CYP7B1: variants seen among roughly 807,000 people sequenced by gnomAD.
CYP7B1 encodes cytochrome P450 family 7 subfamily B member 1.
Under a neutral mutation model 42.7 loss-of-function variants are expected in CYP7B1, and 29 were observed. The observed-to-expected ratio is 0.68, with a 90% CI of 0.51 to 0.93. CYP7B1 has a LOEUF of 0.93. Ranked by LOEUF, CYP7B1 falls within the 40% of genes least tolerant of loss-of-function variation. The pLI, the probability that CYP7B1 is intolerant of heterozygous loss-of-function variation, is 0.00. For synonymous variants in CYP7B1, 235 were observed against 218.2 expected, an observed-to-expected ratio of 1.08 and a Z score of -0.68; for missense variants, 655 against 600.5, an observed-to-expected ratio of 1.09 and a Z score of -0.95.
chr8:64,654,053 C>T (rs878891987), intron 1 of CYP7B1, among the ~76,000 whole-genome samples: 1 of 152,208 alleles, frequency 6.6e-6, no homozygotes, highest in African/African-American at 2.4e-5. Flanking sequence ...GACCAACCTA[C>T]AGCCAACATC....
At position 64,596,500 on chromosome 8, in the gene CYP7B1, C is replaced by T. The variant is rs1212508119; in HGVS notation, c.*142G>A. 4 of 840,324 alleles carry T rather than the reference C, an allele frequency of 4.8e-6. No homozygotes were observed. In the East Asian group the frequency reaches 1.1e-4, roughly 23 times the overall value. 52.1% of individuals were successfully genotyped at this position (840,324 alleles called of 1,614,324 possible). A position where few individuals can be genotyped will look rare whatever the true frequency, so the allele number is the denominator to read the frequency against. On this transcript the variant is annotated 3_prime_UTR_variant, in exon 6 of 6. Transcript: ENST00000310193. ...GATGGGCTTTGTGACTAAGGACAAA[C>T]TGGACTGATATCAGATCAAATAGAA... is the stretch of plus-strand genomic sequence containing the variant.
chr8:64,658,578 G>T (rs1265664106), intron 1 of CYP7B1, among the ~76,000 whole-genome samples: 1 of 152,074 alleles, frequency 6.6e-6, no homozygotes, highest in Non-Finnish European at 1.5e-5. Context: ...TTTATCCTTT[G>T]CATTTTCAAT....
intron 1 of CYP7B1, among the ~76,000 whole-genome samples, chr8:64,759,093 C>T (rs1807849556): frequency 6.6e-6 from 1 of 152,192 alleles, no homozygotes; most frequent in Non-Finnish European, 1.5e-5. Context: ...TTAAGATGGG[C>T]TTCCTACTCT....
chr8:64,623,058 A>G (rs1805555115), intron 2 of CYP7B1, among the ~76,000 whole-genome samples: 1 of 152,160 alleles, frequency 6.6e-6, no homozygotes. Context: ...CACAGACAGG[A>G]CATGCAAAAG....
chr8:64,697,509 C>G (rs73689571), intron 1 of CYP7B1, among the ~76,000 whole-genome samples: 2 of 152,086 alleles, frequency 1.3e-5, no homozygotes, highest in African/African-American at 4.8e-5. Context: ...AGTCAGCATT[C>G]GTTTTGTGCT....
intron 1 of CYP7B1, among the ~76,000 whole-genome samples, chr8:64,625,100 AG>A (rs1406942985): frequency 2.0e-5 from 3 of 151,202 alleles, no homozygotes; most frequent in African/African-American, 7.3e-5. Flanking sequence ...CAGCCTCCCA[AG>A]TAGCTGGGAC....
At chr8:64,645,641 A>G (rs13252642) in intron 1 of CYP7B1, among the ~76,000 whole-genome samples, 2 of 152,090 alleles carry the variant, frequency 1.3e-5, no homozygotes, top group Admixed American at 1.3e-4. Flanking sequence ...TTTATAGATT[A>G]AATGCCATCC....
At chr8:64,748,461 T>A (rs1475004771) in intron 1 of CYP7B1, among the ~76,000 whole-genome samples, 1 of 152,178 alleles carries the variant, frequency 6.6e-6, no homozygotes, top group African/African-American at 2.4e-5. Context: ...GCTGCAGAAT[T>A]TGAATCTGCT....
At chr8:64,790,762 G>A (rs774185100) in intron 1 of CYP7B1, among the ~76,000 whole-genome samples, 4 of 152,128 alleles carry the variant, frequency 2.6e-5, no homozygotes, top group Non-Finnish European at 5.9e-5. Flanking sequence ...TTTTTCAAAT[G>A]ATGCTGTTAT....
chr8:64,755,162 T>G (rs1203720990), intron 1 of CYP7B1, among the ~76,000 whole-genome samples: 1 of 152,148 alleles, frequency 6.6e-6, no homozygotes, highest in Non-Finnish European at 1.5e-5. Flanking sequence ...GCCAGGTGTG[T>G]GCATATGTGT....
rs116171274 is a variant in CYP7B1, at chr8:64,596,707, G to A, written c.1456C>T (p.Arg486Cys). Reference sequence around the variant, plus strand: ...GGATACTGAATACCAAACAACAAGCGGCTGTAGTTTAGTCCTATGGGCTTA... The same window carrying A: ...GGATACTGAATACCAAACAACAAGCAGCTGTAGTTTAGTCCTATGGGCTTA... ...DDKPIGLNYSRLLFGIQYPDS... is the reference protein window; with the variant it reads ...DDKPIGLNYSCLLFGIQYPDS... The change falls in exon 6 of 6, where the codon CGC becomes TGC. Residue 486 changes from arginine (R) to cysteine (C), a missense_variant. Physicochemically the swap from Arg to Cys is radical, Grantham distance 180. Transcript: ENST00000310193. 1,254 of 1,613,374 alleles carry A rather than the reference G, an allele frequency of 7.8e-4. 4 individuals carry two copies. The highest frequency in any genetic ancestry group is 9.8e-4 in the Non-Finnish European group (1,158 of 1,179,734).
At chr8:64,691,482 T>TTG (rs1554532278) in intron 1 of CYP7B1, among the ~76,000 whole-genome samples, 4 of 53,486 alleles carry the variant, frequency 7.5e-5, no homozygotes, top group Non-Finnish European at 7.6e-5. Flanking sequence ...CGATGGCAAC[T>TTG]GGGGGGGGGG....
intron 1 of CYP7B1, among the ~76,000 whole-genome samples, chr8:64,702,378 G>C (rs1359364571): frequency 6.6e-6 from 1 of 152,068 alleles, no homozygotes; most frequent in Non-Finnish European, 1.5e-5. Flanking sequence ...CAACCTGAAA[G>C]GGTCTGTGCT....
chr8:64,793,640 T>C (rs1326162913), intron 1 of CYP7B1, among the ~76,000 whole-genome samples: 2 of 152,128 alleles, frequency 1.3e-5, no homozygotes, highest in Admixed American at 1.3e-4. Context: ...AAGTCTTCTA[T>C]GGGAAGGACT....
intron 1 of CYP7B1, among the ~76,000 whole-genome samples, chr8:64,634,253 G>A (rs1334563881): frequency 6.6e-6 from 1 of 152,082 alleles, no homozygotes; most frequent in East Asian, 1.9e-4. Context: ...CCTTTTAGGT[G>A]CATATTTTTA....
At chr8:64,629,200 T>G (rs912258595) in intron 1 of CYP7B1, among the ~76,000 whole-genome samples, 1 of 139,072 alleles carries the variant, frequency 7.2e-6, no homozygotes, top group Admixed American at 7.8e-5. Flanking sequence ...GCACTCCAGC[T>G]CGGGTGACAG....
chr8:64,781,206 CA>C (rs1252812230), intron 1 of CYP7B1, among the ~76,000 whole-genome samples: 4 of 152,130 alleles, frequency 2.6e-5, no homozygotes, highest in African/African-American at 9.7e-5. Flanking sequence ...AAGTAACCAG[CA>C]AAGTCCACCA....
chr8:64,685,201 G>A (rs9773824), intron 1 of CYP7B1, among the ~76,000 whole-genome samples: 32 of 151,126 alleles, frequency 2.1e-4, no homozygotes, highest in African/African-American at 7.5e-4. Flanking sequence ...AGGAGCGGAC[G>A]GGCCCCGCGG....
intron 1 of CYP7B1, chr8:64,728,954 T>G (rs1050209500): frequency 6.6e-6 from 1 of 151,508 alleles, no homozygotes; most frequent in Non-Finnish European, 1.5e-5. Flanking sequence ...AGTCCAGGAG[T>G]TCAAGAACAG....
Sources: gnomAD v4.1 joint callset for allele counts (sites outside exome capture counted in the v4.1 genomes callset) on GRCh38, gnomAD v4.1.1 for gene constraint, MANE v1.5 for transcripts, NCBI Gene and HGNC (gene_info 2026-07-23, HGNC 2026-07-21) for gene names.